Variants in ZMAT4 observed in about 807,000 individuals in gnomAD.
ZMAT4 encodes zinc finger matrin-type protein 4.
In ZMAT4, 17 loss-of-function variants were observed where a neutral mutation model predicts 28.7. That is an observed-to-expected ratio of 0.59 (90% CI 0.41 to 0.89). ZMAT4 has a LOEUF of 0.89. ZMAT4 is among the 40% of genes least tolerant of loss of function. ZMAT4 has a pLI of 0.00. For synonymous variants in ZMAT4, 117 were observed against 109.2 expected (o/e 1.07, Z -0.44); for missense variants, 240 against 283.8 (o/e 0.85, Z 1.11).
chr8:40,763,920 C>T (rs965007321), intron 3 of ZMAT4, among the ~76,000 whole-genome samples: 3 of 152,030 alleles, frequency 2.0e-5, no homozygotes, highest in Admixed American at 1.3e-4. Context: ...ATACTGTTTA[C>T]TTAAAACTGA....
chr8:40,656,328 C>T (rs1313460302), intron 5 of ZMAT4, among the ~76,000 whole-genome samples: 2 of 152,088 alleles, frequency 1.3e-5, no homozygotes, highest in Non-Finnish European at 2.9e-5. Flanking sequence ...AATTGGAACA[C>T]TTATACATTG....
intron 2 of ZMAT4, among the ~76,000 whole-genome samples, chr8:40,769,957 T>A (rs74352757): frequency 0.014 from 2,092 of 152,250 alleles, 29 homozygotes; most frequent in Non-Finnish European, 0.021. Flanking sequence ...CCATTAGTGA[T>A]GTGAGATGTT....
Position 40,893,700 on chromosome 8 carries a change from G to A in ZMAT4, c.-5+3983C>T, listed in dbSNP as rs764097478. Among the ~76,000 whole-genome samples, 4 of 152,166 alleles carry A rather than the reference G, an allele frequency of 2.6e-5. No homozygotes were observed. The South Asian group carries it at 8.3e-4, about 32-fold the overall frequency. Reference sequence around the variant, plus strand: ...TAATTTTACGTCCGGGGGTACATGTGCAGGTTTGTTATAATGGATAAATTA... The same window carrying A: ...TAATTTTACGTCCGGGGGTACATGTACAGGTTTGTTATAATGGATAAATTA... On this transcript the variant is annotated intron_variant, in intron 1 of 6. Coordinates refer to ENST00000297737, the MANE Select transcript of ZMAT4 (RefSeq NM_024645.3).
intron 5 of ZMAT4, among the ~76,000 whole-genome samples, chr8:40,650,218 A>T (rs959501050): frequency 4.6e-5 from 7 of 152,218 alleles, no homozygotes; most frequent in African/African-American, 1.4e-4. Flanking sequence ...AATCAAATAG[A>T]CGCAATAAAA....
chr8:40,834,334 T>C (rs1816399649), intron 1 of ZMAT4, among the ~76,000 whole-genome samples: 1 of 152,040 alleles, frequency 6.6e-6, no homozygotes, highest in East Asian at 1.9e-4. Flanking sequence ...TTGTCCTTTG[T>C]CTGCTTGGAC....
chr8:40,535,667 C>CAAGAAA, intron 6 of ZMAT4, among the ~76,000 whole-genome samples: 1 of 140,692 alleles, frequency 7.1e-6, no homozygotes. Context: ...GACTCTGTCT[C>CAAGAAA]AAAAAAAAAA....
chr8:40,618,283 C>A (rs936032778), intron 5 of ZMAT4, among the ~76,000 whole-genome samples: 3 of 152,168 alleles, frequency 2.0e-5, no homozygotes, highest in Non-Finnish European at 2.9e-5. Context: ...CACGAGGCAG[C>A]CTGTTCTTCT....
At chr8:40,757,797 T>A (rs553056684) in intron 3 of ZMAT4, among the ~76,000 whole-genome samples, 2 of 152,170 alleles carry the variant, frequency 1.3e-5, no homozygotes, top group Admixed American at 6.5e-5. Context: ...TGTGAGGTGT[T>A]GCCAAAGGAG....
chr8:40,858,220 C>T (rs1817365151), intron 1 of ZMAT4, among the ~76,000 whole-genome samples: 1 of 152,214 alleles, frequency 6.6e-6, no homozygotes, highest in African/African-American at 2.4e-5. Context: ...CTCCAACAGA[C>T]AGACCGGAAG....
At chr8:40,585,383 T>G (rs181929939) in intron 5 of ZMAT4, among the ~76,000 whole-genome samples, 1 of 152,212 alleles carries the variant, frequency 6.6e-6, no homozygotes, top group Admixed American at 6.5e-5. Flanking sequence ...CATCCTCCAG[T>G]GATCATGATA....
intron 1 of ZMAT4, among the ~76,000 whole-genome samples, chr8:40,832,561 G>A (rs1816325559): frequency 6.6e-6 from 1 of 152,074 alleles, no homozygotes; most frequent in African/African-American, 2.4e-5. Context: ...CCACCAAACA[G>A]CCTGGCCCCG....
intron 3 of ZMAT4, among the ~76,000 whole-genome samples, chr8:40,708,833 G>C (rs1357541228): frequency 6.6e-6 from 1 of 151,500 alleles, no homozygotes; most frequent in East Asian, 1.9e-4. Context: ...ATTTTTAGTA[G>C]AGATGGGCTT....
chr8:40,650,156 C>A (rs1807566088), intron 5 of ZMAT4, among the ~76,000 whole-genome samples: 1 of 151,948 alleles, frequency 6.6e-6, no homozygotes, highest in African/African-American at 2.4e-5. Context: ...TTGAAGGGAT[C>A]AACTAAATTG....
chr8:40,586,386 C>G (rs1359842730), intron 5 of ZMAT4, among the ~76,000 whole-genome samples: 1 of 152,142 alleles, frequency 6.6e-6, no homozygotes, highest in Non-Finnish European at 1.5e-5. Context: ...GTTAGAAAAA[C>G]ATAGTTCCTA....
At chr8:40,537,236 C>A (rs573579856) in intron 6 of ZMAT4, among the ~76,000 whole-genome samples, 127 of 152,064 alleles carry the variant, frequency 8.4e-4, no homozygotes, top group Non-Finnish European at 1.5e-3. Flanking sequence ...TAGTCCTAAG[C>A]CCATTCAGGA....
chr8:40,897,605 C>T (rs999190697), intron 1 of ZMAT4, 78 bp downstream of exon 1: 1 of 152,264 alleles, frequency 6.6e-6, no homozygotes, highest in African/African-American at 2.4e-5. Context: ...TTCTGCAATC[C>T]CTCCACCTAG....
intron 2 of ZMAT4, among the ~76,000 whole-genome samples, chr8:40,811,431 C>A (rs1361560328): frequency 6.6e-6 from 1 of 152,178 alleles, no homozygotes; most frequent in Non-Finnish European, 1.5e-5. Flanking sequence ...GCCATAACAT[C>A]AAGGTTGACA....
At chr8:40,612,521 C>T (rs1805836539) in intron 5 of ZMAT4, among the ~76,000 whole-genome samples, 1 of 137,654 alleles carries the variant, frequency 7.3e-6, no homozygotes, top group Non-Finnish European at 1.7e-5. Flanking sequence ...TTTCTTCTTG[C>T]TCTTATCTTG....
intron 1 of ZMAT4, among the ~76,000 whole-genome samples, chr8:40,868,294 C>T (rs1051922176): frequency 1.3e-5 from 2 of 152,166 alleles, no homozygotes; most frequent in Non-Finnish European, 2.9e-5. Flanking sequence ...GTGCGGGCCA[C>T]AGCAGCTTGG....
Sources: allele counts gnomAD v4.1 joint callset (sites outside exome capture counted in the v4.1 genomes callset), GRCh38; gene constraint gnomAD v4.1.1; transcripts MANE v1.5; gene names NCBI Gene and HGNC (gene_info 2026-07-23, HGNC 2026-07-21).